The following FOXJ3 variants were observed in gnomAD, a reference collection of about 807,000 sequenced individuals.
FOXJ3 encodes the protein forkhead box protein J3.
In FOXJ3, 22 loss-of-function variants were observed where a neutral mutation model predicts 76.1. That is an observed-to-expected ratio of 0.29 (90% CI 0.21 to 0.41). FOXJ3 has a LOEUF of 0.41. Among genes scored for constraint, FOXJ3 ranks in the 10% least tolerant of loss-of-function variants. FOXJ3 has a pLI of 1.00. For synonymous variants in FOXJ3, 269 were observed against 261.2 expected, an observed-to-expected ratio of 1.03 and a Z score of -0.29; for missense variants, 613 against 762.1, an observed-to-expected ratio of 0.80 and a Z score of 2.30.
rs957360684 is a variant in FOXJ3, at chr1:42,254,730, C to T, written c.444+10385G>A. 1.6e-4 allele frequency among the ~76,000 whole-genome samples: 23 copies of T among 147,832 alleles called. No homozygotes were observed. In the East Asian group the frequency reaches 2.2e-3, roughly 14 times the overall value. On this transcript the variant is annotated intron_variant, in intron 4 of 12. Coordinates refer to ENST00000361346, the MANE Select transcript of FOXJ3 (RefSeq NM_014947.5). ...ATCGCAAGGACAAAAAACCAAACACCGCATGTTCTCACTCATAGATGGGAA... is the reference window on the plus strand; with the variant it reads ...ATCGCAAGGACAAAAAACCAAACACTGCATGTTCTCACTCATAGATGGGAA...
intron 4 of FOXJ3, 34 bp from the exon 5 acceptor site, chr1:42,228,000 A>C: frequency 9.2e-7 from 1 of 1,086,786 alleles, no homozygotes; most frequent in Non-Finnish European, 1.3e-6. Flanking sequence ...ACAGTATATT[A>C]CAGCAAACCT....
rs145291435 is a variant in FOXJ3, at chr1:42,180,792, C to T, written c.1754-967G>A. Among the ~76,000 whole-genome samples the T allele has an allele frequency of 1.9e-4, 29 of 152,212 alleles. No homozygotes were observed. The East Asian group carries it at 5.4e-3, about 28-fold the overall frequency. Reference sequence around the variant, plus strand: ...TGATTCTCATTCAATCCTAACAACTCGAGGACACAGGTAGTTTTATTAGCC... The same window carrying T: ...TGATTCTCATTCAATCCTAACAACTTGAGGACACAGGTAGTTTTATTAGCC... On this transcript the variant is annotated intron_variant, in intron 12 of 12. Transcript: ENST00000361346.
intron 2 of FOXJ3, among the ~76,000 whole-genome samples, chr1:42,293,624 T>A (rs1422914679): frequency 1.3e-5 from 2 of 152,242 alleles, no homozygotes; most frequent in Non-Finnish European, 2.9e-5. Flanking sequence ...CTCCATTTCA[T>A]ATGGCTTCCA....
chr1:42,322,605 C>G (rs1278931174), intron 1 of FOXJ3, among the ~76,000 whole-genome samples: 1 of 151,886 alleles, frequency 6.6e-6, no homozygotes, highest in Non-Finnish European at 1.5e-5. Context: ...CTCAACAATA[C>G]CAATGGATAA....
At chr1:42,322,534 T>G (rs1485873639) in intron 1 of FOXJ3, among the ~76,000 whole-genome samples, 1 of 152,106 alleles carries the variant, frequency 6.6e-6, no homozygotes, top group Non-Finnish European at 1.5e-5. Flanking sequence ...TTCTTCATAT[T>G]TTATATATTT....
intron 3 of FOXJ3, among the ~76,000 whole-genome samples, chr1:42,271,495 C>T (rs1365870686): frequency 6.6e-6 from 1 of 152,078 alleles, no homozygotes; most frequent in Non-Finnish European, 1.5e-5. Flanking sequence ...AATGACCAAA[C>T]ACATAATGTA....
intron 2 of FOXJ3, among the ~76,000 whole-genome samples, chr1:42,308,626 CA>C (rs1654612008): frequency 1.3e-5 from 2 of 152,072 alleles, no homozygotes; most frequent in Admixed American, 1.3e-4. Context: ...TGCTAGATAC[CA>C]TGATTAAATA....
chr1:42,194,087 T>C (rs1646603653), intron 8 of FOXJ3, among the ~76,000 whole-genome samples: 1 of 152,230 alleles, frequency 6.6e-6, no homozygotes, highest in Non-Finnish European at 1.5e-5. Flanking sequence ...TTCTGTTGTT[T>C]ATAAATTACC....
intron 2 of FOXJ3, among the ~76,000 whole-genome samples, chr1:42,292,130 T>C (rs1165834593): frequency 6.6e-6 from 1 of 152,054 alleles, no homozygotes; most frequent in Non-Finnish European, 1.5e-5. Flanking sequence ...GAAAAAGGAT[T>C]CATAAGAAAA....
chr1:42,182,837 T>C (rs1646351934), intron 11 of FOXJ3, among the ~76,000 whole-genome samples: 1 of 152,084 alleles, frequency 6.6e-6, no homozygotes. Flanking sequence ...ATTTCTCTAC[T>C]TCCCTGATGT....
At chr1:42,284,795 T>C (rs957132714) in intron 2 of FOXJ3, among the ~76,000 whole-genome samples, 3 of 152,230 alleles carry the variant, frequency 2.0e-5, no homozygotes, top group Non-Finnish European at 1.5e-5. Context: ...TCCACTAACT[T>C]GTGACTGAAA....
At chr1:42,260,631 A>G (rs948235285) in intron 4 of FOXJ3, among the ~76,000 whole-genome samples, 21 of 152,302 alleles carry the variant, frequency 1.4e-4, no homozygotes, top group Admixed American at 2.0e-4. Context: ...CTATGAGAGC[A>G]CCACTGCACT....
rs555505326 is a variant in FOXJ3, at chr1:42,270,836, T to G, written c.370-5647A>C. On this transcript the variant is annotated intron_variant, in intron 3 of 12. Coordinates refer to ENST00000361346, the MANE Select transcript of FOXJ3 (RefSeq NM_014947.5). ...GGAGTAGTGACCTGACAATTCTAAT[T>G]TTAAAAGCATTCTATGTAATTTTTA... is the stretch of plus-strand genomic sequence containing the variant. 2.6e-5 allele frequency among the ~76,000 whole-genome samples: 4 copies of G among 152,280 alleles called. No individual in the cohort carries two copies. The South Asian group carries it at 8.3e-4, about 32-fold the overall frequency.
intron 3 of FOXJ3, among the ~76,000 whole-genome samples, chr1:42,272,820 C>T (rs941668980): frequency 6.6e-6 from 1 of 152,168 alleles, no homozygotes; most frequent in African/African-American, 2.4e-5. Context: ...TTGGACCAAG[C>T]TCTTCAGTTT....
intron 7 of FOXJ3, 59 bp downstream of exon 7, chr1:42,199,043 G>A (rs1389581077): frequency 1.5e-6 from 2 of 1,321,712 alleles, no homozygotes; most frequent in Non-Finnish European, 2.1e-6. Context: ...AATTATGTTT[G>A]GTTTAGTTTT....
At chr1:42,333,321 T>C (rs1258581822) in intron 1 of FOXJ3, among the ~76,000 whole-genome samples, 3 of 152,138 alleles carry the variant, frequency 2.0e-5, no homozygotes, top group Non-Finnish European at 4.4e-5. Flanking sequence ...CTTTGGAATC[T>C]AGTAAGTGAC....
chr1:42,297,654 A>G (rs1378544944), intron 2 of FOXJ3, among the ~76,000 whole-genome samples: 2 of 152,096 alleles, frequency 1.3e-5, no homozygotes, highest in Non-Finnish European at 2.9e-5. Context: ...GTGCTGTCGG[A>G]TTCAGCATTT....
chr1:42,244,899 T>C (rs1228480275), intron 4 of FOXJ3, among the ~76,000 whole-genome samples: 1 of 152,086 alleles, frequency 6.6e-6, no homozygotes, highest in South Asian at 2.1e-4. Context: ...TTAAAAGTCT[T>C]GGCCAGGCGC....
chr1:42,216,426 G>A (rs932713996), intron 5 of FOXJ3, among the ~76,000 whole-genome samples: 1 of 151,646 alleles, frequency 6.6e-6, no homozygotes, highest in Non-Finnish European at 1.5e-5. Context: ...GCTGAGGCAG[G>A]AGAATGGCGT....
Sources: gnomAD v4.1 joint callset for allele counts (sites outside exome capture counted in the v4.1 genomes callset) on GRCh38, gnomAD v4.1.1 for gene constraint, MANE v1.5 for transcripts, NCBI Gene and HGNC (gene_info 2026-07-23, HGNC 2026-07-21) for gene names.